LNP1: variants seen among roughly 807,000 people sequenced by gnomAD.
The protein encoded by LNP1 is leukemia NUP98 fusion partner 1.
A neutral mutation model predicts 14.5 loss-of-function variants in LNP1; 12 were observed. The observed-to-expected ratio is 0.83, with a 90% confidence interval of 0.53 to 1.34. The LOEUF (loss-of-function observed/expected upper bound fraction) is 1.34. Ranked by LOEUF, LNP1 falls within the 40% of genes most tolerant of loss-of-function variation. LNP1 has a pLI of 0.00. For missense variants in LNP1, 198 were observed against 210.9 expected (o/e 0.94, Z 0.38); for synonymous variants, 75 against 71.4 (o/e 1.05, Z -0.26).
At chr3:100,451,181 G>A (rs1441380960) in intron 2 of LNP1, among the ~76,000 whole-genome samples, 1 of 152,206 alleles carries the variant, frequency 6.6e-6, no homozygotes, top group African/African-American at 2.4e-5. Flanking sequence ...CCAAGGCTGA[G>A]AATTCATGCC....
At chr3:100,448,334 C>G (rs1707407687) in intron 2 of LNP1, among the ~76,000 whole-genome samples, 1 of 152,162 alleles carries the variant, frequency 6.6e-6, no homozygotes, top group African/African-American at 2.4e-5. Context: ...ACCTTACTGC[C>G]TGTGGACTAG....
intron 2 of LNP1, among the ~76,000 whole-genome samples, chr3:100,430,611 C>T (rs1707234636): frequency 6.6e-6 from 1 of 152,192 alleles, no homozygotes; most frequent in Non-Finnish European, 1.5e-5. Context: ...AGTTACACAG[C>T]AATAATACAG....
intron 1 of LNP1, among the ~76,000 whole-genome samples, chr3:100,417,851 T>C (rs947562061): frequency 6.6e-6 from 1 of 152,102 alleles, no homozygotes; most frequent in African/African-American, 2.4e-5. Flanking sequence ...AGTCTTGAAT[T>C]CTTTTGATTT....
intron 1 of LNP1, among the ~76,000 whole-genome samples, chr3:100,418,020 GT>G (rs1392971229): frequency 2.1e-5 from 3 of 143,440 alleles, no homozygotes; most frequent in African/African-American, 7.7e-5. Context: ...TCATTTGTAT[GT>G]TATTCTAATT....
intron 2 of LNP1, among the ~76,000 whole-genome samples, chr3:100,434,906 T>A (rs1212311872): frequency 6.6e-6 from 1 of 151,768 alleles, no homozygotes; most frequent in Admixed American, 6.6e-5. Context: ...TTTACAGTGA[T>A]GAAAGATATT....
At chr3:100,413,580 C>G (rs1342764994) in intron 1 of LNP1, among the ~76,000 whole-genome samples, 1 of 152,118 alleles carries the variant, frequency 6.6e-6, no homozygotes, top group Non-Finnish European at 1.5e-5. Flanking sequence ...TCATTGCCAC[C>G]CAGAAGAATT....
intron 1 of LNP1, among the ~76,000 whole-genome samples, chr3:100,415,682 G>C (rs1384266437): frequency 6.6e-6 from 1 of 152,126 alleles, no homozygotes; most frequent in African/African-American, 2.4e-5. Context: ...AACCTGTTTA[G>C]GGCACCATCG....
At chr3:100,426,338 T>G (rs945677231) in intron 1 of LNP1, among the ~76,000 whole-genome samples, 1 of 152,192 alleles carries the variant, frequency 6.6e-6, no homozygotes, top group Non-Finnish European at 1.5e-5. Flanking sequence ...TCACAGACAG[T>G]ATCAAGCTTA....
At chr3:100,404,581 C>G (rs538534212) in intron 1 of LNP1, among the ~76,000 whole-genome samples, 2 of 152,288 alleles carry the variant, frequency 1.3e-5, no homozygotes, top group Admixed American at 6.5e-5. Context: ...TATCTTCAAT[C>G]TCTCCATTAG....
chr3:100,426,555 G>A (rs978678699), intron 1 of LNP1, among the ~76,000 whole-genome samples: 4 of 152,170 alleles, frequency 2.6e-5, no homozygotes, highest in Admixed American at 1.3e-4. Flanking sequence ...ACGTTAGGCT[G>A]GAAAATCATT....
At chr3:100,415,345 T>G (rs1342306633) in intron 1 of LNP1, among the ~76,000 whole-genome samples, 2 of 152,172 alleles carry the variant, frequency 1.3e-5, no homozygotes, top group African/African-American at 4.8e-5. Context: ...ACAAGCTACT[T>G]GTAAAAGAAG....
chr3:100,450,103 T>C (rs1707424198), intron 2 of LNP1, among the ~76,000 whole-genome samples: 1 of 151,632 alleles, frequency 6.6e-6, no homozygotes, highest in Non-Finnish European at 1.5e-5. Flanking sequence ...TTTTTTTTTT[T>C]TTTTGGTGGG....
intron 2 of LNP1, among the ~76,000 whole-genome samples, chr3:100,445,604 A>T (rs1707380033): frequency 6.6e-6 from 1 of 152,124 alleles, no homozygotes; most frequent in Non-Finnish European, 1.5e-5. Flanking sequence ...AACATTTTTA[A>T]TCTCAGTTTA....
chr3:100,403,018 A>G (rs1190711807), intron 1 of LNP1, among the ~76,000 whole-genome samples: 1 of 152,168 alleles, frequency 6.6e-6, no homozygotes, highest in Non-Finnish European at 1.5e-5. Context: ...TAAACATCTC[A>G]TTTCCATTCT....
Position 100,451,797 on chromosome 3 carries a change from C to A in LNP1, c.235C>A (p.Arg79Ser). Reference sequence around the variant, plus strand: ...TCATGAGGACCAAGAATTTCGATGCCGTAGCCACGTACGGGATTACAGAAA... The same window carrying A: ...TCATGAGGACCAAGAATTTCGATGCAGTAGCCACGTACGGGATTACAGAAA... ...HSHEDQEFRCRSHVRDYRKYS... is the reference protein window; with the variant it reads ...HSHEDQEFRCSSHVRDYRKYS... Residue 79 changes from arginine (R) to serine (S), a missense_variant, in exon 3 of 4, where the codon CGT becomes AGT. Physicochemically the swap from Arg to Ser is moderately radical, Grantham distance 110. Coordinates refer to ENST00000383693, the MANE Select transcript of LNP1 (RefSeq NM_001085451.2). 1 of 1,613,760 alleles carries A rather than the reference C, an allele frequency of 6.2e-7. No individual in the cohort carries two copies. The highest frequency in any genetic ancestry group is 8.5e-7 in the Non-Finnish European group (1 of 1,179,650).
At chr3:100,454,723 C>A (rs1028325889) in intron 3 of LNP1, among the ~76,000 whole-genome samples, 3 of 152,182 alleles carry the variant, frequency 2.0e-5, no homozygotes, top group African/African-American at 7.2e-5. Flanking sequence ...TCTATTTTCT[C>A]TTTCTTATAC....
intron 1 of LNP1, among the ~76,000 whole-genome samples, chr3:100,407,171 G>T (rs145582362): frequency 6.6e-6 from 1 of 152,082 alleles, no homozygotes; most frequent in Non-Finnish European, 1.5e-5. Flanking sequence ...AGCTATGTAC[G>T]TATTTTTGCC....
chr3:100,430,048 T>C (rs1707228357), intron 2 of LNP1, among the ~76,000 whole-genome samples, 163 bp downstream of exon 2: 2 of 152,236 alleles, frequency 1.3e-5, no homozygotes, highest in African/African-American at 2.4e-5. Context: ...TTATTTCATC[T>C]TGTCTTTCAA....
chr3:100,432,020 A>T (rs1285455807), intron 2 of LNP1, among the ~76,000 whole-genome samples: 6 of 34,686 alleles, frequency 1.7e-4, no homozygotes, highest in Non-Finnish European at 3.2e-4. Context: ...ATATATATAT[A>T]TATATATATA....
Sources: allele counts gnomAD v4.1 joint callset (sites outside exome capture counted in the v4.1 genomes callset), GRCh38; gene constraint gnomAD v4.1.1; transcripts MANE v1.5; gene names NCBI Gene and HGNC (gene_info 2026-07-23, HGNC 2026-07-21).